The following DCC variants were observed in gnomAD, a reference collection of about 807,000 sequenced individuals.
The protein encoded by DCC is netrin receptor DCC.
A neutral mutation model predicts 172.5 loss-of-function variants in DCC; 58 were observed. The observed-to-expected ratio is 0.34, with a 90% confidence interval of 0.27 to 0.42. The LOEUF is 0.42. Ranked by LOEUF, DCC falls within the 10% of genes least tolerant of loss-of-function variation. The pLI is 1.00. For missense variants in DCC, 1,740 were observed against 1,791.0 expected, an observed-to-expected ratio of 0.97 and a Z score of 0.51; for synonymous variants, 709 against 644.5, an observed-to-expected ratio of 1.10 and a Z score of -1.52.
chr18:53,216,320 T>A (rs771812280), intron 12 of DCC, among the ~76,000 whole-genome samples: 4 of 152,210 alleles, frequency 2.6e-5, no homozygotes, highest in African/African-American at 9.6e-5. Flanking sequence ...CTGGCCACTA[T>A]GCTTGGACCT....
intron 5 of DCC, among the ~76,000 whole-genome samples, chr18:53,022,781 C>T (rs1164870613): frequency 1.3e-5 from 2 of 151,678 alleles, no homozygotes; most frequent in African/African-American, 4.8e-5. Flanking sequence ...CCTTTCTTTT[C>T]TGGGTGACTT....
Position 52,642,087 on chromosome 18 carries a change from C to CAT in DCC, c.92-109966_92-109965insTA, listed in dbSNP as rs1568269866. Among the ~76,000 whole-genome samples the CAT allele has an allele frequency of 4.5e-5, 6 of 131,936 alleles. 1 individual carries two copies. The highest frequency in any genetic ancestry group is 6.4e-5 in the Non-Finnish European group (4 of 62,512). The allele number at this position is 131,936 out of a possible 152,430, so 86.6% of individuals were successfully genotyped here. On this transcript the variant is annotated intron_variant, in intron 1 of 28. Transcript: ENST00000442544. ...GTATATATATATATATATACACACA[C>CAT]ACACACACACTCACACACACATACA...
rs999003334 is a variant in DCC at position 53,413,150 on chromosome 18, A to G, written c.3130+2504A>G. ...GTAATAGAGAGGAAGGATGCTCCCA[A>G]TGGAGTAGACCACAGAGGATTCTGG... On this transcript the variant is annotated intron_variant, in intron 20 of 28. Coordinates refer to ENST00000442544, the MANE Select transcript of DCC (RefSeq NM_005215.4). Among the ~76,000 whole-genome samples, 14 of 152,254 alleles carry G rather than the reference A, an allele frequency of 9.2e-5. No individual in the cohort carries two copies. The South Asian group carries it at 2.1e-3, about 23-fold the overall frequency.
At chr18:53,286,998 G>A (rs1365805379) in intron 12 of DCC, among the ~76,000 whole-genome samples, 1 of 151,934 alleles carries the variant, frequency 6.6e-6, no homozygotes, top group Admixed American at 6.6e-5. Flanking sequence ...AAATTTTCCA[G>A]TTTTAACATC....
In DCC at chr18:52,633,035, A is replaced by G. The variant is rs1356080363; in HGVS notation, c.92-119019A>G. On this transcript the variant is annotated intron_variant, in intron 1 of 28. Transcript: ENST00000442544. ...CCTTTCTGTCAGTAAAAATAAATAA[A>G]TAAATCAATGAAAAGCATTCTGGAC... is the stretch of plus-strand genomic sequence containing the variant. Among the ~76,000 whole-genome samples the G allele has an allele frequency of 2.0e-5, 3 of 152,216 alleles. No homozygotes were observed. The East Asian group carries it at 5.8e-4, about 29-fold the overall frequency.
At chr18:52,704,280 C>T (rs2145041929) in intron 1 of DCC, among the ~76,000 whole-genome samples, 1 of 152,196 alleles carries the variant, frequency 6.6e-6, no homozygotes, top group Non-Finnish European at 1.5e-5. Context: ...ATTATCTGCT[C>T]TGTGCCCTTA....
At chr18:53,057,727 G>A (rs115237026) in intron 5 of DCC, among the ~76,000 whole-genome samples, 331 of 152,142 alleles carry the variant, frequency 2.2e-3, no homozygotes, top group African/African-American at 6.9e-3. Context: ...AAAATTCATG[G>A]TACTTTTATT....
At chr18:53,284,359 G>A (rs2056910279) in intron 12 of DCC, among the ~76,000 whole-genome samples, 1 of 152,100 alleles carries the variant, frequency 6.6e-6, no homozygotes, top group African/African-American at 2.4e-5. Context: ...GAACCTGGTG[G>A]GAGGTGAATG....
chr18:53,466,426 G>A (rs2045621882), intron 24 of DCC, among the ~76,000 whole-genome samples: 1 of 152,110 alleles, frequency 6.6e-6, no homozygotes, highest in Non-Finnish European at 1.5e-5. Context: ...AAATAGCTTT[G>A]CTAGAAAGTA....
At chr18:53,226,036 A>G (rs530567598) in intron 12 of DCC, among the ~76,000 whole-genome samples, 4 of 152,230 alleles carry the variant, frequency 2.6e-5, no homozygotes, top group South Asian at 2.1e-4. Context: ...TATTATCCCA[A>G]TTTTACAGAG....
chr18:52,700,840 A>G (rs917025164), intron 1 of DCC, among the ~76,000 whole-genome samples: 4 of 152,264 alleles, frequency 2.6e-5, no homozygotes, highest in Non-Finnish European at 4.4e-5. Context: ...TTGTTAAGAT[A>G]GTAGCTGTGT....
intron 1 of DCC, among the ~76,000 whole-genome samples, chr18:52,414,825 G>T (rs1452932007): frequency 6.6e-6 from 1 of 152,160 alleles, no homozygotes; most frequent in African/African-American, 2.4e-5. Flanking sequence ...GTAGTTAATT[G>T]CTCCTGACAT....
chr18:52,766,451 T>C (rs992172189), intron 2 of DCC, among the ~76,000 whole-genome samples: 1 of 151,624 alleles, frequency 6.6e-6, no homozygotes, highest in African/African-American at 2.4e-5. Flanking sequence ...TTGTCCAGCA[T>C]CCAGGAAATA....
chr18:52,637,671 G>A (rs2034808972), intron 1 of DCC, among the ~76,000 whole-genome samples: 1 of 152,186 alleles, frequency 6.6e-6, no homozygotes, highest in African/African-American at 2.4e-5. Context: ...GGGATTACGT[G>A]AAACAACCCA....
At chr18:52,786,644 G>A (rs9941430) in intron 2 of DCC, among the ~76,000 whole-genome samples, 6,559 of 152,130 alleles carry the variant, frequency 0.043, 219 homozygotes, top group South Asian at 0.16. Context: ...AGCTGAGCCC[G>A]GCCATAGGTT....
rs1323544985 is a variant in DCC at position 53,367,052 on chromosome 18, GAC to G, written c.2360-18987_2360-18986del. ...ACCCTAACTAATAAAATATGTTTTT[GAC>G]ACAGTTTATGCCATTATTTATTGTA... On this transcript the variant is annotated intron_variant, in intron 15 of 28. Transcript: ENST00000442544. Among the ~76,000 whole-genome samples the G allele has an allele frequency of 3.9e-5, 6 of 152,120 alleles. No individual in the cohort carries two copies. The East Asian group carries it at 1.2e-3, about 29-fold the overall frequency.
intron 1 of DCC, among the ~76,000 whole-genome samples, chr18:52,623,523 T>C: frequency 6.6e-6 from 1 of 152,204 alleles, no homozygotes; most frequent in East Asian, 1.9e-4. Flanking sequence ...TATTGCTTTC[T>C]TTGTTTTGTT....
intron 5 of DCC, among the ~76,000 whole-genome samples, chr18:53,038,742 G>A (rs1464942161): frequency 6.6e-6 from 1 of 152,006 alleles, no homozygotes; most frequent in Non-Finnish European, 1.5e-5. Flanking sequence ...CAGATATTGA[G>A]ACACAGGCTT....
chr18:52,636,591 A>C (rs1319498852), intron 1 of DCC, among the ~76,000 whole-genome samples: 1 of 151,992 alleles, frequency 6.6e-6, no homozygotes, highest in Non-Finnish European at 1.5e-5. Context: ...AACCTGCATG[A>C]CTCAGCAAAA....
Sources: gnomAD v4.1 joint callset for allele counts (sites outside exome capture counted in the v4.1 genomes callset) on GRCh38, gnomAD v4.1.1 for gene constraint, MANE v1.5 for transcripts, NCBI Gene and HGNC (gene_info 2026-07-23, HGNC 2026-07-21) for gene names.